RBM45: variants seen among roughly 807,000 people sequenced by gnomAD.
The protein encoded by RBM45 is RNA binding motif protein 45, also known as RNA-binding protein 45.
In RBM45, 39 loss-of-function variants were observed where a neutral mutation model predicts 58.5. The ratio of observed to expected loss-of-function variants is 0.67; its 90% CI spans 0.52 to 0.87. The LOEUF (loss-of-function observed/expected upper bound fraction) is 0.87. RBM45 is among the 40% of genes least tolerant of loss of function. The probability of loss-of-function intolerance (pLI) is 0.00; values close to 1 mark genes in which losing one functional copy is unlikely to be tolerated. For missense variants in RBM45, 481 were observed against 581.6 expected (o/e 0.83, Z 1.78); for synonymous variants, 193 against 203.0 (o/e 0.95, Z 0.42).
At chr2:178,137,544 G>A (rs1559084437) in exon 4 of RBM45, 1 of 152,164 alleles carries the variant, frequency 6.6e-6, no homozygotes, top group Non-Finnish European at 1.5e-5. Flanking sequence ...CACTTATAAT[G>A]ATTTGAAGGA....
At chr2:178,123,789 A>AT in intron 6 of RBM45, 39 bp from the exon 7 acceptor site, 1 of 1,608,068 alleles carries the variant, frequency 6.2e-7, no homozygotes, top group Non-Finnish European at 8.5e-7. Context: ...AAGACTGAAT[A>AT]TTTTTAGTTT....
intron 1 of RBM45, among the ~76,000 whole-genome samples, chr2:178,114,333 C>T (rs991403531): frequency 1.4e-4 from 22 of 152,218 alleles, no homozygotes; most frequent in African/African-American, 5.3e-4. Flanking sequence ...TGTAACATGG[C>T]CACAGAGCCC....
chr2:178,130,728 A>G (rs2087997301), downstream of RBM45, among the ~76,000 whole-genome samples: 1 of 152,248 alleles, frequency 6.6e-6, no homozygotes. Flanking sequence ...TCCTCATTAT[A>G]CTTCTCACAT....
chr2:178,123,680 C>A (rs1039167361), intron 6 of RBM45, 29 bp downstream of exon 6: 29 of 1,588,286 alleles, frequency 1.8e-5, no homozygotes, highest in Non-Finnish European at 2.5e-5. Context: ...GTGTCTAAAG[C>A]CGAGCTTTGA....
chr2:178,125,144 A>G (rs2087912156), intron 8 of RBM45, among the ~76,000 whole-genome samples: 1 of 152,212 alleles, frequency 6.6e-6, no homozygotes, highest in East Asian at 1.9e-4. Flanking sequence ...ATATCAGGAT[A>G]TGGTTCAAGT....
At chr2:178,119,929 C>T (rs2105902625) in intron 3 of RBM45, among the ~76,000 whole-genome samples, 1 of 152,176 alleles carries the variant, frequency 6.6e-6, no homozygotes, top group Admixed American at 6.5e-5. Context: ...GTGTGCATTT[C>T]AAAGGAAGAA....
Position 178,112,968 on chromosome 2 carries a change from C to A in RBM45, c.300+122C>A, listed in dbSNP as rs1471508352. On this transcript the variant is annotated intron_variant, in intron 1 of 9. Transcript: ENST00000286070. ...CATCCGTTCCCGGCAGCTGACCAGA[C>A]AGCACCTGGCTTGGGGACAGGGGCT... 7 of 1,046,764 alleles carry A rather than the reference C, an allele frequency of 6.7e-6. No individual in the cohort carries two copies. The African/African-American group carries it at 1.1e-4, about 17-fold the overall frequency. The allele number at this position is 1,046,764 out of a possible 1,614,324, so 64.8% of individuals were successfully genotyped here.
At chr2:178,128,657 C>T (rs1383104170) in intron 9 of RBM45, among the ~76,000 whole-genome samples, 1 of 152,016 alleles carries the variant, frequency 6.6e-6, no homozygotes. Flanking sequence ...TGAACTGTTA[C>T]GCATATTCAG....
intron 9 of RBM45, 39 bp downstream of exon 9, chr2:178,126,223 T>C: frequency 7.3e-7 from 1 of 1,363,260 alleles, no homozygotes; most frequent in Non-Finnish European, 1.0e-6. Context: ...ACATATTGAG[T>C]AAATAGTATA....
rs2087801788 is a variant in RBM45 at position 178,118,078 on chromosome 2, C to A, written c.447C>A (p.Cys149Ter). The change falls in exon 3 of 10, where the codon TGC (cysteine) becomes TGA (stop). Residue 149 changes from cysteine (C) to a stop codon, truncating the protein, a stop_gained. Transcript: ENST00000286070. LOFTEE classifies it high-confidence loss of function. ...AGGTGTATGGAGATATCGAGTATTG[C>A]AGCATTATTAAGAATAAAGTGACTG... ...KFKVYGDIEYCSIIKNKVTGE... is the reference protein window; with the variant it reads ...KFKVYGDIEY 1.2e-6 allele frequency: 2 copies of A among 1,610,778 alleles called. No individual in the cohort carries two copies. The highest frequency in any genetic ancestry group is 1.7e-5 in the Admixed American group (1 of 59,796).
chr2:178,125,961 T>C (rs2087923552), intron 8 of RBM45, 23 bp from the exon 9 acceptor site: 2 of 1,605,050 alleles, frequency 1.2e-6, no homozygotes, highest in Admixed American at 3.4e-5. Flanking sequence ...TTTTGGTTGA[T>C]TATTTTTTTC....
chr2:178,129,501 A>T lies in RBM45; in HGVS notation c.*113A>T, dbSNP rs943310394. ...AGCTTTTTTTTTTTCCATATACCTG[A>T]TAGTCTGTGTACAGCATTGTTTTGT... On this transcript the variant is annotated 3_prime_UTR_variant, in exon 10 of 10. Transcript: ENST00000286070. 2 of 152,380 alleles carry T rather than the reference A, an allele frequency of 1.3e-5. No homozygotes were observed. The highest frequency in any genetic ancestry group is 4.8e-5 in the African/African-American group (2 of 41,360). The allele number at this position is 152,380 out of a possible 1,614,324, so 9.4% of individuals were successfully genotyped here.
exon 4 of RBM45, chr2:178,137,549 G>A (rs536443647): frequency 1.3e-5 from 2 of 152,258 alleles, no homozygotes; most frequent in East Asian, 3.9e-4. Flanking sequence ...ATAATGATTT[G>A]AAGGAATCTC....
At chr2:178,138,544 T>C (rs1014579689) in exon 4 of RBM45, 1 of 152,118 alleles carries the variant, frequency 6.6e-6, no homozygotes, top group African/African-American at 2.4e-5. Flanking sequence ...AGCCCAAGAT[T>C]CCTCTACTCA....
chr2:178,119,751 G>C (rs949230698), intron 3 of RBM45, among the ~76,000 whole-genome samples: 2 of 152,040 alleles, frequency 1.3e-5, no homozygotes, highest in Admixed American at 1.3e-4. Flanking sequence ...AGTGTCAGAG[G>C]GTTTGTGGAA....
chr2:178,122,945 A>T (rs1352203058), intron 5 of RBM45, among the ~76,000 whole-genome samples: 1 of 152,146 alleles, frequency 6.6e-6, no homozygotes, highest in Non-Finnish European at 1.5e-5. Flanking sequence ...CCTCCCTTCA[A>T]CATCACCCTC....
intron 8 of RBM45, chr2:178,125,585 A>C (rs556143492): frequency 2.7e-6 from 1 of 368,376 alleles, no homozygotes; most frequent in South Asian, 2.3e-5. Flanking sequence ...GAGTCCAAGG[A>C]CAATGTCAGA....
chr2:178,134,570 G>T (rs1382804265), downstream of RBM45, among the ~76,000 whole-genome samples: 1 of 149,218 alleles, frequency 6.7e-6, no homozygotes. Flanking sequence ...TGCTTGCTCT[G>T]TTTTTTTTTG....
At chr2:178,118,268 T>C (rs2087804309) in intron 3 of RBM45, 87 bp downstream of exon 3, 1 of 1,272,580 alleles carries the variant, frequency 7.9e-7, no homozygotes, top group Non-Finnish European at 1.1e-6. Flanking sequence ...TTTTTGCTAA[T>C]AACTGTATCT....
Sources: gnomAD v4.1 joint callset for allele counts (sites outside exome capture counted in the v4.1 genomes callset) on GRCh38, gnomAD v4.1.1 for gene constraint, MANE v1.5 for transcripts, NCBI Gene and HGNC (gene_info 2026-07-23, HGNC 2026-07-21) for gene names.